NRF1: variants seen among roughly 807,000 people sequenced by gnomAD.
NRF1 encodes alpha palindromic-binding protein.
Under a neutral mutation model 58.5 loss-of-function variants are expected in NRF1, and 5 were observed. The observed-to-expected ratio is 0.09, with a 90% confidence interval of 0.04 to 0.18. The LOEUF is 0.18. Ranked by LOEUF, NRF1 falls within the 10% of genes least tolerant of loss-of-function variation. NRF1 has a pLI of 1.00. For synonymous variants in NRF1, 224 were observed against 246.7 expected (o/e 0.91, Z 0.86); for missense variants, 288 against 657.7 (o/e 0.44, Z 6.15).
At chr7:129,626,752 T>G (rs993620070) in intron 1 of NRF1, among the ~76,000 whole-genome samples, 9 of 152,224 alleles carry the variant, frequency 5.9e-5, no homozygotes, top group African/African-American at 1.9e-4. Context: ...GATGCATCTT[T>G]ATTCTCCTTC....
intron 9 of NRF1, among the ~76,000 whole-genome samples, chr7:129,722,567 T>C (rs6962258): frequency 1 from 152,269 of 152,280 alleles, 76,129 homozygotes; most frequent in Non-Finnish European, 1. Flanking sequence ...ATCGTACTGA[T>C]CTGTCAACCT....
At chr7:129,719,854 C>T (rs1392777973) in intron 9 of NRF1, among the ~76,000 whole-genome samples, 1 of 152,074 alleles carries the variant, frequency 6.6e-6, no homozygotes, top group African/African-American at 2.4e-5. Flanking sequence ...TCTAACAGGC[C>T]CTCATTAAAG....
chr7:129,701,069 G>T (rs1006292453), intron 5 of NRF1, among the ~76,000 whole-genome samples: 2 of 152,038 alleles, frequency 1.3e-5, no homozygotes, highest in African/African-American at 4.8e-5. Context: ...TACTTACATA[G>T]GATACAACTT....
At chr7:129,619,243 G>A (rs185815461) in intron 1 of NRF1, among the ~76,000 whole-genome samples, 87 of 150,820 alleles carry the variant, frequency 5.8e-4, no homozygotes, top group African/African-American at 1.8e-3. Flanking sequence ...GAAGTTAGCC[G>A]TGTGAAATAC....
intron 1 of NRF1, among the ~76,000 whole-genome samples, chr7:129,622,070 C>T (rs539342630): frequency 2.7e-4 from 41 of 151,992 alleles, no homozygotes; most frequent in African/African-American, 7.7e-4. Flanking sequence ...TGTGAGCCAC[C>T]GTGACCGGCC....
intron 9 of NRF1, among the ~76,000 whole-genome samples, chr7:129,718,397 T>G (rs1803240465): frequency 6.6e-6 from 1 of 152,198 alleles, no homozygotes; most frequent in Non-Finnish European, 1.5e-5. Flanking sequence ...AGGAGTGTTA[T>G]GAGAACTGAA....
At chr7:129,739,416 T>C (rs893144508) in intron 10 of NRF1, among the ~76,000 whole-genome samples, 3 of 152,062 alleles carry the variant, frequency 2.0e-5, no homozygotes, top group African/African-American at 7.2e-5. Context: ...CTAAGGGCTA[T>C]ATCAATAACA....
intron 1 of NRF1, among the ~76,000 whole-genome samples, chr7:129,637,263 AAAAG>A (rs1048051869): frequency 1.3e-4 from 20 of 152,068 alleles, no homozygotes; most frequent in South Asian, 4.1e-4. Context: ...AAAAAAAAAA[AAAAG>A]AAGAAGAAGA....
chr7:129,735,778 G>T (rs1001264027), intron 10 of NRF1, among the ~76,000 whole-genome samples: 3 of 152,122 alleles, frequency 2.0e-5, no homozygotes, highest in African/African-American at 7.2e-5. Flanking sequence ...GGAGGCCGAG[G>T]CAGATGGATC....
chr7:129,707,349 A>G (rs919426145), intron 5 of NRF1, among the ~76,000 whole-genome samples: 1 of 152,200 alleles, frequency 6.6e-6, no homozygotes, highest in Admixed American at 6.5e-5. Context: ...CATTTTCTCC[A>G]GACTCTCCTA....
At chr7:129,691,502 G>A (rs530065183) in intron 5 of NRF1, among the ~76,000 whole-genome samples, 2 of 151,264 alleles carry the variant, frequency 1.3e-5, no homozygotes, top group Admixed American at 6.6e-5. Flanking sequence ...TTATAGGTGC[G>A]GGCTACCACA....
chr7:129,643,053 T>C (rs1801330747), intron 1 of NRF1, among the ~76,000 whole-genome samples: 1 of 152,166 alleles, frequency 6.6e-6, no homozygotes, highest in Non-Finnish European at 1.5e-5. Context: ...CATGCTACAA[T>C]AATGTAGGAG....
chr7:129,754,986 C>G (rs1418591023), intron 10 of NRF1, 32 bp from the exon 11 acceptor site: 30 of 1,532,344 alleles, frequency 2.0e-5, no homozygotes, highest in Non-Finnish European at 2.6e-5. Flanking sequence ...TGAGCCTGAG[C>G]CCCACCAACG....
intron 4 of NRF1, 76 bp from the exon 5 acceptor site, chr7:129,690,330 C>T (rs545104361): frequency 2.1e-4 from 309 of 1,496,540 alleles, no homozygotes; most frequent in Non-Finnish European, 2.7e-4. Context: ...CAGCCCCACC[C>T]ACTCTCTTGT....
intron 1 of NRF1, among the ~76,000 whole-genome samples, chr7:129,632,281 AATTTTCTT>A (rs1264638997): frequency 2.0e-5 from 3 of 152,004 alleles, no homozygotes; most frequent in African/African-American, 7.3e-5. Flanking sequence ...CTCTTAAAAG[AATTTTCTT>A]ATTATAATAG....
chr7:129,714,532 G>T (rs1803145437), intron 8 of NRF1, among the ~76,000 whole-genome samples: 1 of 152,164 alleles, frequency 6.6e-6, no homozygotes, highest in Non-Finnish European at 1.5e-5. Flanking sequence ...TGCCTCTTAT[G>T]GTGGCAGTGT....
At chr7:129,696,532 G>A (rs1431079014) in intron 5 of NRF1, among the ~76,000 whole-genome samples, 1 of 152,180 alleles carries the variant, frequency 6.6e-6, no homozygotes, top group Non-Finnish European at 1.5e-5. Flanking sequence ...TAAAGAACAA[G>A]TACATTTTAC....
At chr7:129,675,832 G>A (rs893402328) in intron 3 of NRF1, among the ~76,000 whole-genome samples, 1 of 152,166 alleles carries the variant, frequency 6.6e-6, no homozygotes, top group African/African-American at 2.4e-5. Flanking sequence ...AGCTGCATTA[G>A]CCCCTAACAA....
At chr7:129,619,764 T>G (rs1800751842) in intron 1 of NRF1, among the ~76,000 whole-genome samples, 1 of 140,238 alleles carries the variant, frequency 7.1e-6, no homozygotes, top group Non-Finnish European at 1.5e-5. Context: ...CTCTTTTACA[T>G]TGTCTTAAAT....
Sources: allele counts gnomAD v4.1 joint callset (sites outside exome capture counted in the v4.1 genomes callset), GRCh38; gene constraint gnomAD v4.1.1; transcripts MANE v1.5; gene names NCBI Gene and HGNC (gene_info 2026-07-23, HGNC 2026-07-21).